BAZ2B: variants seen among roughly 807,000 people sequenced by gnomAD.
BAZ2B encodes bromodomain adjacent to zinc finger domain protein 2B.
A neutral mutation model predicts 246.0 loss-of-function variants in BAZ2B; 91 were observed. The observed-to-expected ratio is 0.37, with a 90% confidence interval of 0.31 to 0.44. The LOEUF is 0.44. Ranked by LOEUF, BAZ2B falls within the 20% of genes least tolerant of loss-of-function variation. BAZ2B has a pLI of 1.00. For missense variants in BAZ2B, 2,332 were observed against 2,533.7 expected (o/e 0.92, Z 1.71); for synonymous variants, 855 against 860.0 (o/e 0.99, Z 0.10).
intron 2 of BAZ2B, among the ~76,000 whole-genome samples, chr2:159,533,216 CTTG>C (rs886352270): frequency 1.3e-4 from 20 of 152,236 alleles, no homozygotes; most frequent in East Asian, 5.8e-4. Flanking sequence ...GAGTTGTTAT[CTTG>C]TTGTGGGAAA....
intron 13 of BAZ2B, among the ~76,000 whole-genome samples, chr2:159,424,861 A>G (rs1284658699): frequency 2.0e-5 from 3 of 152,248 alleles, no homozygotes; most frequent in Admixed American, 2.0e-4. Flanking sequence ...TATTGTTTAG[A>G]AAATAATGAC....
chr2:159,468,845 C>A (rs1218928217), intron 3 of BAZ2B, among the ~76,000 whole-genome samples: 1 of 151,960 alleles, frequency 6.6e-6, no homozygotes, highest in Non-Finnish European at 1.5e-5. Context: ...GAGTTCAAGA[C>A]CAGCATGGCC....
intron 13 of BAZ2B, among the ~76,000 whole-genome samples, chr2:159,425,797 T>C (rs191227839): frequency 7.2e-5 from 11 of 152,334 alleles, no homozygotes; most frequent in Admixed American, 2.6e-4. Context: ...TCATAATTAC[T>C]ATAACAAAAT....
chr2:159,418,576 C>T (rs986182076), intron 13 of BAZ2B, among the ~76,000 whole-genome samples: 25 of 151,970 alleles, frequency 1.6e-4, no homozygotes, highest in African/African-American at 5.5e-4. Context: ...TTTGTTGCTC[C>T]CATTTTTTAA....
chr2:159,535,201 G>C (rs966957784), intron 2 of BAZ2B, among the ~76,000 whole-genome samples: 2 of 144,480 alleles, frequency 1.4e-5, no homozygotes, highest in African/African-American at 2.9e-5. Flanking sequence ...CATGGACTTT[G>C]ATCTCCAAGA....
At chr2:159,514,177 A>T (rs2083208341) in intron 2 of BAZ2B, among the ~76,000 whole-genome samples, 1 of 152,086 alleles carries the variant, frequency 6.6e-6, no homozygotes, top group Non-Finnish European at 1.5e-5. Context: ...TATTATTATT[A>T]ATCTCCACTC....
the BAZ2B span, among the ~76,000 whole-genome samples, chr2:159,655,255 T>C: frequency 1.3e-5 from 2 of 152,104 alleles, no homozygotes; most frequent in Admixed American, 1.3e-4. Flanking sequence ...CAAAAATCTC[T>C]GTTTTTATTT....
chr2:159,594,364 G>A (rs1390479194), intron 1 of BAZ2B, among the ~76,000 whole-genome samples: 3 of 152,138 alleles, frequency 2.0e-5, no homozygotes, highest in Admixed American at 1.3e-4. Flanking sequence ...CTGAGATCGC[G>A]CCACCGCGCT....
At chr2:159,463,452 C>T (rs1467048020) in intron 3 of BAZ2B, 1 of 179,190 alleles carries the variant, frequency 5.6e-6, no homozygotes, top group Non-Finnish European at 1.2e-5. Context: ...TTTGAGGAAC[C>T]TCCATACTAT....
intron 34 of BAZ2B, among the ~76,000 whole-genome samples, chr2:159,328,718 T>G (rs1354100317): frequency 6.6e-6 from 1 of 152,146 alleles, no homozygotes; most frequent in East Asian, 1.9e-4. Flanking sequence ...TTGAAATGTC[T>G]AATATGTGAG....
chr2:159,344,041 A>G lies in BAZ2B; in HGVS notation c.5454+3445T>C, dbSNP rs1473458758. Among the ~76,000 whole-genome samples the G allele has an allele frequency of 4.0e-5, 5 of 126,370 alleles. 1 individual carries two copies. In the South Asian group the frequency reaches 7.8e-4, roughly 20 times the overall value. The allele number at this position is 126,370 out of a possible 152,430, so 82.9% of individuals were successfully genotyped here. On this transcript the variant is annotated intron_variant, in intron 31 of 36. Transcript: ENST00000392783. Reference sequence around the variant, plus strand: ...AGACTCCATCTCAAAAAAAAAAAAAAAAAAGAAAAAAAAAAAAATGAGATG... The same window carrying G: ...AGACTCCATCTCAAAAAAAAAAAAAGAAAAGAAAAAAAAAAAAATGAGATG...
the BAZ2B span, among the ~76,000 whole-genome samples, chr2:159,701,146 G>A: frequency 1.3e-5 from 2 of 151,976 alleles, no homozygotes; most frequent in Non-Finnish European, 2.9e-5. Flanking sequence ...CTAATCAATG[G>A]AAATAAAAAA....
chr2:159,660,389 T>C, the BAZ2B span, among the ~76,000 whole-genome samples: 1 of 152,204 alleles, frequency 6.6e-6, no homozygotes, highest in Non-Finnish European at 1.5e-5. Flanking sequence ...GTTGTTTCCA[T>C]CTTTTGGCCA....
intron 2 of BAZ2B, among the ~76,000 whole-genome samples, chr2:159,547,738 A>G (rs1465578628): frequency 6.6e-6 from 1 of 152,214 alleles, no homozygotes; most frequent in East Asian, 1.9e-4. Flanking sequence ...TTTATTTTAT[A>G]TTCTCTGATG....
intron 3 of BAZ2B, among the ~76,000 whole-genome samples, chr2:159,465,584 T>C (rs927043679): frequency 6.6e-6 from 1 of 152,126 alleles, no homozygotes; most frequent in Non-Finnish European, 1.5e-5. Context: ...GATCAAACCT[T>C]TCATTAAATA....
At chr2:159,410,137 C>T (rs72965275) in intron 14 of BAZ2B, among the ~76,000 whole-genome samples, 1,772 of 152,236 alleles carry the variant, frequency 0.012, 13 homozygotes, top group Non-Finnish European at 0.019. Flanking sequence ...AAACAATGTC[C>T]ACATTCCCCA....
chr2:159,413,034 T>A (rs979967416), intron 13 of BAZ2B, among the ~76,000 whole-genome samples: 2 of 152,186 alleles, frequency 1.3e-5, no homozygotes, highest in African/African-American at 2.4e-5. Flanking sequence ...CCTAATAAAT[T>A]AGTTAATTGA....
At chr2:159,516,498 G>A (rs2083457757) in intron 2 of BAZ2B, 1 of 152,472 alleles carries the variant, frequency 6.6e-6, no homozygotes, top group African/African-American at 2.4e-5. Context: ...TGCTCTATTT[G>A]TTGAAACACC....
At chr2:159,646,034 C>T in the BAZ2B span, among the ~76,000 whole-genome samples, 1 of 152,124 alleles carries the variant, frequency 6.6e-6, no homozygotes, top group South Asian at 2.1e-4. Flanking sequence ...GAGCAACCAA[C>T]GGGTCTGACC....
Sources: gnomAD v4.1 joint callset for allele counts (sites outside exome capture counted in the v4.1 genomes callset) on GRCh38, gnomAD v4.1.1 for gene constraint, MANE v1.5 for transcripts, NCBI Gene and HGNC (gene_info 2026-07-23, HGNC 2026-07-21) for gene names.